Variants in PFKFB2 observed in about 807,000 individuals in gnomAD.
PFKFB2 encodes the protein 6-phosphofructo-2-kinase/fructose-2,6-bisphosphatase 2.
PFKFB2 carries 53 observed loss-of-function variants against 68.0 expected under a neutral mutation model. The observed-to-expected ratio is 0.78, with a 90% CI of 0.63 to 0.98. The LOEUF is 0.98. Ranked by LOEUF, PFKFB2 falls within the 50% of genes least tolerant of loss-of-function variation. PFKFB2 has a pLI of 0.00. For synonymous variants in PFKFB2, 222 were observed against 227.6 expected (o/e 0.98, Z 0.22); for missense variants, 451 against 642.0 (o/e 0.70, Z 3.22).
intron 2 of PFKFB2, chr1:207,045,493 A>C: frequency 6.6e-6 from 1 of 152,440 alleles, no homozygotes; most frequent in East Asian, 1.9e-4. Context: ...GCCAACATGT[A>C]AACTTTTATT....
At chr1:207,036,278 T>G (rs1682376611) in intron 1 of PFKFB2, among the ~76,000 whole-genome samples, 1 of 152,206 alleles carries the variant, frequency 6.6e-6, no homozygotes, top group African/African-American at 2.4e-5. Flanking sequence ...TGCTGGTGTC[T>G]TGGTTCCCAG....
rs1572726071 is a variant in PFKFB2 at position 207,063,894 on chromosome 1, T to G, written c.507+65T>G. The G allele has an allele frequency of 3.1e-6, 3 of 962,282 alleles. No homozygotes were observed. The highest frequency in any genetic ancestry group is 2.1e-4 in the Middle Eastern group (1 of 4,668). 59.6% of individuals were successfully genotyped at this position (962,282 alleles called of 1,614,324 possible). On this transcript the variant is annotated intron_variant, in intron 7 of 14. Transcript: ENST00000367080. The surrounding 1 kb of genome is among the most constrained non-coding windows in gnomAD (Gnocchi z 4.1). ...TGTGCTGTGTGTGTTGTGGGGTGTG[T>G]GTGTGTGTGTGTGTGTGTGTGTTGT...
At chr1:207,069,594 G>A in intron 11 of PFKFB2, 66 bp downstream of exon 11, 1 of 1,039,910 alleles carries the variant, frequency 9.6e-7, no homozygotes, top group Admixed American at 1.8e-5. Flanking sequence ...TTTAATTTGG[G>A]GGAAGGATTG....
In PFKFB2 at chr1:207,075,759, T is replaced by C; in HGVS notation, c.*3388T>C. 2 of 983,716 alleles carry C rather than the reference T, an allele frequency of 2.0e-6. No homozygotes were observed. Among genetic ancestry groups the C allele is most frequent in the Non-Finnish European group, 2.4e-6 (2 of 828,356 alleles). 60.9% of individuals were successfully genotyped at this position (983,716 alleles called of 1,614,324 possible). A position where few individuals can be genotyped will look rare whatever the true frequency, so the allele number is the denominator to read the frequency against. On this transcript the variant is annotated 3_prime_UTR_variant, in exon 15 of 15. Coordinates refer to ENST00000367080, the MANE Select transcript of PFKFB2 (RefSeq NM_006212.2). Reference sequence around the variant, plus strand: ...ACCTCACCTCTAAAAAAGTTTTTTATAAATTTACTTGTCTAAAGTGGGGAA... The same window carrying C: ...ACCTCACCTCTAAAAAAGTTTTTTACAAATTTACTTGTCTAAAGTGGGGAA...
At chr1:207,079,767 C>T (rs1240012297), downstream of PFKFB2, 1 of 152,146 alleles carries the variant, frequency 6.6e-6, no homozygotes, top group Non-Finnish European at 1.5e-5. Flanking sequence ...ATGTGGTTCT[C>T]CTGGGTGGTT....
chr1:207,063,164 G>T lies in PFKFB2; in HGVS notation c.330G>T (p.Leu110=). 1 of 1,614,078 alleles carries T rather than the reference G, an allele frequency of 6.2e-7. No individual in the cohort carries two copies. The highest frequency in any genetic ancestry group is 8.5e-7 in the Non-Finnish European group (1 of 1,179,932). Residue 110 remains leucine, a synonymous_variant, in exon 5 of 15, where the codon CTG becomes CTT. Coordinates refer to ENST00000367080, the MANE Select transcript of PFKFB2 (RefSeq NM_006212.2). The surrounding 1 kb of genome is among the most constrained non-coding windows in gnomAD (Gnocchi z 4.1). ...GCAGACAGTGTGCTCTGGTGGCGCTGGAAGATGTTAAGGCGTATCTCACTG... is the reference window on the plus strand; with the variant it reads ...GCAGACAGTGTGCTCTGGTGGCGCTTGAAGATGTTAAGGCGTATCTCACTG... The part of the protein sequence containing the change: ...KIRKQCALVA[L]EDVKAYLTEE...
chr1:207,045,409 T>C (rs937003708), intron 2 of PFKFB2: 1 of 152,492 alleles, frequency 6.6e-6, no homozygotes, highest in African/African-American at 2.4e-5. Context: ...CTGATGGCAA[T>C]CTTTGATTAA....
chr1:207,064,822 C>T (rs1049729934), intron 7 of PFKFB2, among the ~76,000 whole-genome samples: 1 of 144,524 alleles, frequency 6.9e-6, no homozygotes, highest in Admixed American at 6.9e-5. Context: ...CAAGTGCAGG[C>T]ACATGACTCC....
In PFKFB2 at chr1:207,055,426, A is replaced by G. The variant is rs942675287; in HGVS notation, c.85+624A>G. ...ATTTCTATGCCTGTCTTTTAGATAG[A>G]AACAGCAGGAGGGTTTGCGAGGAGA... On this transcript the variant is annotated intron_variant, in intron 2 of 14. Coordinates refer to ENST00000367080, the MANE Select transcript of PFKFB2 (RefSeq NM_006212.2). Among the ~76,000 whole-genome samples, 5 of 152,284 alleles carry G rather than the reference A, an allele frequency of 3.3e-5. No homozygotes were observed. In the South Asian group the frequency reaches 1.0e-3, roughly 32 times the overall value.
chr1:207,059,298 G>A (rs2842750), intron 2 of PFKFB2, among the ~76,000 whole-genome samples: 10 of 152,150 alleles, frequency 6.6e-5, no homozygotes, highest in Admixed American at 1.3e-4. Context: ...TAGGACCTTC[G>A]GGGGAAGTGC....
chr1:207,045,045 A>G (rs921810133), intron 2 of PFKFB2: 9 of 152,542 alleles, frequency 5.9e-5, no homozygotes, highest in Admixed American at 1.3e-4. Context: ...ATACTGTAAC[A>G]TAAGAAAACA....
intron 11 of PFKFB2, among the ~76,000 whole-genome samples, chr1:207,069,809 C>G (rs1270894838): frequency 2.6e-5 from 4 of 152,176 alleles, no homozygotes; most frequent in Non-Finnish European, 1.5e-5. Context: ...ATCCCACCCC[C>G]ACATAAGTAA....
intron 1 of PFKFB2, among the ~76,000 whole-genome samples, chr1:207,053,990 G>A (rs1447964717): frequency 3.6e-5 from 5 of 137,524 alleles, no homozygotes; most frequent in Admixed American, 1.6e-4. Flanking sequence ...TGCAACCTCC[G>A]CCTCCCGGGT....
Position 207,074,529 on chromosome 1 carries a change from G to T in PFKFB2, c.*2158G>T. On this transcript the variant is annotated 3_prime_UTR_variant, in exon 15 of 15. Transcript: ENST00000367080. ...CACTGGCAACTGACTCCTGACCCCG[G>T]GTCCTTTACTCGTATGTCCCAAGTA... 1 of 985,304 alleles carries T rather than the reference G, an allele frequency of 1.0e-6. No individual in the cohort carries two copies. Among genetic ancestry groups the T allele is most frequent in the Non-Finnish European group, 1.2e-6 (1 of 829,910 alleles). The allele number at this position is 985,304 out of a possible 1,614,324, so 61.0% of individuals were successfully genotyped here. A position where few individuals can be genotyped will look rare whatever the true frequency, so the allele number is the denominator to read the frequency against.
At chr1:207,040,228 A>G (rs1682450869) in intron 1 of PFKFB2, among the ~76,000 whole-genome samples, 1 of 152,220 alleles carries the variant, frequency 6.6e-6, no homozygotes, top group African/African-American at 2.4e-5. Flanking sequence ...CTGAGTCAGC[A>G]GCAACTCCAA....
In PFKFB2 at chr1:207,070,302, G is replaced by A. The variant is rs1366499814; in HGVS notation, c.1115G>A (p.Arg372Gln). ...CAGTCATACCAGGACCTGGTGCAGC[G>A]GCTGGAGCCTGTCATCATGGAGCTG... ...GGESYQDLVQ[R>Q]LEPVIMELER... is the part of the protein sequence containing the mutation. The change falls in exon 12 of 15, where the codon CGG (arginine) becomes CAG (glutamine). Residue 372 changes from arginine to glutamine, a missense_variant. Physicochemically the swap from Arg to Gln is conservative, Grantham distance 43 (BLOSUM62 1). Coordinates refer to ENST00000367080, the MANE Select transcript of PFKFB2 (RefSeq NM_006212.2). This position sits in a 1 kb window ranked among gnomAD's most constrained non-coding sequence, Gnocchi z 4.2. 7.4e-6 allele frequency: 12 copies of A among 1,613,402 alleles called. No individual in the cohort carries two copies. The highest frequency in any genetic ancestry group is 1.3e-5 in the African/African-American group (1 of 74,894).
chr1:207,079,164 C>T (rs766280633), downstream of PFKFB2: 5 of 706,264 alleles, frequency 7.1e-6, no homozygotes, highest in Non-Finnish European at 1.3e-5. Context: ...AGAAACGTCA[C>T]CATATTTCCT....
At position 207,072,451 on chromosome 1, in the gene PFKFB2, A is replaced by T; in HGVS notation, c.*80A>T. ...TGGCCTCCTGCCCTTGTCACTAATCACCAAGGAGTCATTAACTTCCTCCCT... is the reference window on the plus strand; with the variant it reads ...TGGCCTCCTGCCCTTGTCACTAATCTCCAAGGAGTCATTAACTTCCTCCCT... On this transcript the variant is annotated 3_prime_UTR_variant, in exon 15 of 15. Transcript: ENST00000367080. The T allele has an allele frequency of 6.5e-7, 1 of 1,532,238 alleles. No individual in the cohort carries two copies. The highest frequency in any genetic ancestry group is 1.3e-5 in the South Asian group (1 of 77,560). 94.9% of individuals were successfully genotyped at this position (1,532,238 alleles called of 1,614,324 possible).
intron 1 of PFKFB2, among the ~76,000 whole-genome samples, chr1:207,036,049 T>C (rs561486763): frequency 6.6e-6 from 1 of 152,254 alleles, no homozygotes; most frequent in South Asian, 2.1e-4. Context: ...CATGATCTCA[T>C]GTGAGAACTT....
Sources: gnomAD v4.1 joint callset for allele counts (sites outside exome capture counted in the v4.1 genomes callset) on GRCh38, gnomAD v4.1.1 for gene constraint, Gnocchi (gnomAD v3.1) non-coding constraint, MANE v1.5 for transcripts, NCBI Gene and HGNC (gene_info 2026-07-23, HGNC 2026-07-21) for gene names.